Variants in SNX18 observed in about 807,000 individuals in gnomAD.
The protein encoded by SNX18 is sorting nexin-18.
A neutral mutation model predicts 48.7 loss-of-function variants in SNX18; 35 were observed. The observed-to-expected ratio is 0.72, with a 90% CI of 0.55 to 0.95. SNX18 has a LOEUF of 0.95. SNX18 is among the 40% of genes least tolerant of loss of function. The pLI is 0.00. For missense variants in SNX18, 824 were observed against 871.0 expected, an observed-to-expected ratio of 0.95 and a Z score of 0.68; for synonymous variants, 492 against 384.7, an observed-to-expected ratio of 1.28 and a Z score of -3.26.
the SNX18 span, among the ~76,000 whole-genome samples, chr5:54,568,869 G>A: frequency 8.8e-6 from 1 of 113,110 alleles, no homozygotes; most frequent in African/African-American, 3.5e-5. Context: ...TTGAGACAGG[G>A]TCTTGCTCTG....
chr5:54,519,752 C>T (rs752011336), intron 1 of SNX18, 179 bp downstream of exon 1: 1 of 1,614,074 alleles, frequency 6.2e-7, no homozygotes, highest in African/African-American at 1.3e-5. Flanking sequence ...CGACAGGCAG[C>T]TTCCTCCTCG....
rs1761937285 is a variant in SNX18 at position 54,518,724 on chromosome 5, C to G, written c.772C>G (p.Leu258Val). The G allele has an allele frequency of 6.2e-7, 1 of 1,601,848 alleles. No homozygotes were observed. Among genetic ancestry groups the G allele is most frequent in the Non-Finnish European group, 8.5e-7 (1 of 1,174,026 alleles). Residue 258 changes from leucine (L) to valine (V), a missense_variant, in exon 1 of 2, where the codon CTG (leucine) becomes GTG (valine). By Grantham distance (32) the Leu-to-Val change is conservative (BLOSUM62 1). Coordinates refer to ENST00000381410, the MANE Select transcript of SNX18 (RefSeq NM_001102575.2). Reference protein sequence around the residue: ...ASGFVKDGDKLCVVLGPYGPE... With the variant: ...ASGFVKDGDKVCVVLGPYGPE... ...AGGCTTCGTGAAGGACGGGGACAAGCTGTGCGTGGTGCTGGGGCCCTATGG... is the reference window on the plus strand; with the variant it reads ...AGGCTTCGTGAAGGACGGGGACAAGGTGTGCGTGGTGCTGGGGCCCTATGG...
At chr5:54,629,530 G>A in the SNX18 span, among the ~76,000 whole-genome samples, 1 of 152,198 alleles carries the variant, frequency 6.6e-6, no homozygotes, top group Non-Finnish European at 1.5e-5. Flanking sequence ...CAGATGGATA[G>A]TTGGATTTCT....
the SNX18 span, among the ~76,000 whole-genome samples, chr5:54,595,937 T>C: frequency 6.6e-6 from 1 of 152,158 alleles, no homozygotes; most frequent in Non-Finnish European, 1.5e-5. Context: ...CTCCTCCTTT[T>C]CTCTGTGCCT....
In SNX18 at chr5:54,518,110, C is replaced by T. The variant is rs1168124250; in HGVS notation, c.158C>T (p.Ala53Val). The T allele has an allele frequency of 2.7e-6, 4 of 1,509,300 alleles. No individual in the cohort carries two copies. Among genetic ancestry groups the T allele is most frequent in the Non-Finnish European group, 2.6e-6 (3 of 1,134,576 alleles). 93.5% of individuals were successfully genotyped at this position (1,509,300 alleles called of 1,614,324 possible). A position where few individuals can be genotyped will look rare whatever the true frequency, so the allele number is the denominator to read the frequency against. Reference sequence around the variant, plus strand: ...CGCGGCGACCGCGGCCTCTTCCCGGCCTCCTATGTGCAGGTGATCCGCGCC... The same window carrying T: ...CGCGGCGACCGCGGCCTCTTCCCGGTCTCCTATGTGCAGGTGATCCGCGCC... ...NSRGDRGLFP[A>V]SYVQVIRAPE... Residue 53 changes from alanine (A) to valine (V), a missense_variant, in exon 1 of 2, where the codon GCC becomes GTC. Ala to Val is a moderately conservative substitution (Grantham distance 64). Coordinates refer to ENST00000381410, the MANE Select transcript of SNX18 (RefSeq NM_001102575.2).
At chr5:54,528,406 C>T (rs996822803) in intron 1 of SNX18, among the ~76,000 whole-genome samples, 3 of 152,076 alleles carry the variant, frequency 2.0e-5, no homozygotes, top group South Asian at 2.1e-4. Context: ...CTTAGTACTG[C>T]GAATAAGACA....
the SNX18 span, among the ~76,000 whole-genome samples, chr5:54,579,472 T>C: frequency 7.1e-4 from 108 of 152,332 alleles, no homozygotes; most frequent in African/African-American, 2.5e-3. Flanking sequence ...GATGTAAATA[T>C]AGAATCATGA....
At chr5:54,639,163 C>T in the SNX18 span, among the ~76,000 whole-genome samples, 235 of 151,952 alleles carry the variant, frequency 1.5e-3, 2 homozygotes, top group Non-Finnish European at 1.5e-3. Context: ...AAAAATTTGC[C>T]TTCAGAGGTA....
chr5:54,583,788 G>A, the SNX18 span, among the ~76,000 whole-genome samples: 1 of 152,122 alleles, frequency 6.6e-6, no homozygotes, highest in Non-Finnish European at 1.5e-5. Flanking sequence ...CTTCTTTGTG[G>A]ACCCCCTTCC....
At chr5:54,521,184 A>G (rs955365294) in intron 1 of SNX18, among the ~76,000 whole-genome samples, 8 of 152,216 alleles carry the variant, frequency 5.3e-5, no homozygotes, top group African/African-American at 1.9e-4. Flanking sequence ...TGTGCAAATT[A>G]CTGGTGAACA....
intron 1 of SNX18, among the ~76,000 whole-genome samples, chr5:54,526,705 G>T (rs1309120592): frequency 6.6e-6 from 1 of 152,128 alleles, no homozygotes; most frequent in Admixed American, 6.5e-5. Flanking sequence ...CCAAAACAAA[G>T]ATCCCCACCC....
intron 1 of SNX18, among the ~76,000 whole-genome samples, chr5:54,521,434 C>T (rs62356891): frequency 0.23 from 34,271 of 152,214 alleles, 4,720 homozygotes; most frequent in Non-Finnish European, 0.3. Flanking sequence ...TGGCCAGGGT[C>T]ACGCCTGTAA....
the SNX18 span, among the ~76,000 whole-genome samples, chr5:54,574,606 T>C: frequency 1.3e-5 from 2 of 152,172 alleles, no homozygotes; most frequent in Non-Finnish European, 2.9e-5. Context: ...CAGTTAGCAG[T>C]CTTTGCTGCT....
At chr5:54,534,853 T>C (rs151088906) in intron 1 of SNX18, among the ~76,000 whole-genome samples, 106 of 152,286 alleles carry the variant, frequency 7.0e-4, no homozygotes, top group Non-Finnish European at 8.5e-4. Flanking sequence ...TATGTGCTCA[T>C]GGGCTACATG....
the SNX18 span, among the ~76,000 whole-genome samples, chr5:54,613,946 C>G: frequency 6.6e-6 from 1 of 152,146 alleles, no homozygotes; most frequent in African/African-American, 2.4e-5. Flanking sequence ...CTGCCTGCCT[C>G]GGCCTCTCAA....
intron 1 of SNX18, 152 bp from the exon 2 acceptor site, chr5:54,543,027 T>G (rs1417563937): frequency 1.4e-6 from 1 of 715,832 alleles, no homozygotes; most frequent in Non-Finnish European, 2.2e-6. Context: ...TTTTTTAAAA[T>G]GAGTAATTAT....
the SNX18 span, among the ~76,000 whole-genome samples, chr5:54,577,852 C>T: frequency 6.6e-6 from 1 of 152,224 alleles, no homozygotes; most frequent in South Asian, 2.1e-4. Context: ...GTGGCTATAA[C>T]ACCACATGGT....
chr5:54,623,690 G>A, the SNX18 span, among the ~76,000 whole-genome samples: 1 of 152,120 alleles, frequency 6.6e-6, no homozygotes, highest in African/African-American at 2.4e-5. Context: ...TAATTTTGAG[G>A]GAGCTAGACT....
the SNX18 span, among the ~76,000 whole-genome samples, chr5:54,590,621 CT>C: frequency 6.6e-6 from 1 of 152,170 alleles, no homozygotes; most frequent in Non-Finnish European, 1.5e-5. Context: ...CAACCCCAAT[CT>C]TTGGTCTTTA....
Sources: allele counts gnomAD v4.1 joint callset (sites outside exome capture counted in the v4.1 genomes callset), GRCh38; gene constraint gnomAD v4.1.1; transcripts MANE v1.5; gene names NCBI Gene and HGNC (gene_info 2026-07-23, HGNC 2026-07-21).